GRID2: variants seen among roughly 807,000 people sequenced by gnomAD.
GRID2 encodes the protein glutamate receptor ionotropic, delta-2.
In GRID2, 33 loss-of-function variants were observed where a neutral mutation model predicts 114.8. The ratio of observed to expected loss-of-function variants is 0.29; its 90% CI spans 0.22 to 0.38. The LOEUF (loss-of-function observed/expected upper bound fraction) is 0.38. GRID2 is among the 10% of genes least tolerant of loss of function. GRID2 has a pLI of 1.00. For synonymous variants in GRID2, 505 were observed against 449.9 expected, an observed-to-expected ratio of 1.12 and a Z score of -1.55; for missense variants, 1,184 against 1,257.7, an observed-to-expected ratio of 0.94 and a Z score of 0.89.
chr4:92,526,412 C>T (rs771662986), intron 1 of GRID2, among the ~76,000 whole-genome samples: 1 of 152,148 alleles, frequency 6.6e-6, no homozygotes, highest in Non-Finnish European at 1.5e-5. Flanking sequence ...GGAGCGATCT[C>T]GGCTCACTGC....
chr4:92,517,712 A>T (rs1724564547), intron 1 of GRID2, among the ~76,000 whole-genome samples: 1 of 151,900 alleles, frequency 6.6e-6, no homozygotes, highest in African/African-American at 2.4e-5. Context: ...AAAATAGTCA[A>T]TTTTTAAAAA....
chr4:93,410,966 T>A (rs962398580), intron 9 of GRID2, among the ~76,000 whole-genome samples: 1 of 152,224 alleles, frequency 6.6e-6, no homozygotes, highest in South Asian at 2.1e-4. Flanking sequence ...TTGAATGACT[T>A]CATTTACTTT....
At chr4:92,592,450 T>G (rs1383531790) in intron 2 of GRID2, among the ~76,000 whole-genome samples, 1 of 152,074 alleles carries the variant, frequency 6.6e-6, no homozygotes, top group Non-Finnish European at 1.5e-5. Flanking sequence ...TGAAAAGTAA[T>G]GACAGTTTTT....
chr4:93,304,477 T>C (rs1755209295), intron 8 of GRID2, among the ~76,000 whole-genome samples: 2 of 151,872 alleles, frequency 1.3e-5, no homozygotes, highest in African/African-American at 4.8e-5. Flanking sequence ...AAAATTGAGA[T>C]TGGTCACACT....
chr4:92,584,113 T>C (rs1728311244), intron 1 of GRID2, among the ~76,000 whole-genome samples: 1 of 151,966 alleles, frequency 6.6e-6, no homozygotes, highest in South Asian at 2.1e-4. Context: ...TTTCTCTTAC[T>C]ACCTAGTAGT....
At chr4:93,795,393 C>A (rs1260618191) in intron 1 of GRID2, among the ~76,000 whole-genome samples, 2 of 151,930 alleles carry the variant, frequency 1.3e-5, no homozygotes, top group Non-Finnish European at 2.9e-5. Context: ...TATACCTTTA[C>A]TTAATTTCCA....
chr4:92,946,728 C>T (rs1196118835), intron 2 of GRID2, among the ~76,000 whole-genome samples: 1 of 152,052 alleles, frequency 6.6e-6, no homozygotes, highest in Non-Finnish European at 1.5e-5. Context: ...CTTTCTGTAC[C>T]TTACAGTTAT....
At chr4:92,314,069 C>G (rs1004194638) in intron 1 of GRID2, among the ~76,000 whole-genome samples, 1 of 151,866 alleles carries the variant, frequency 6.6e-6, no homozygotes, top group Non-Finnish European at 1.5e-5. Flanking sequence ...GGATAGAAAA[C>G]GTTCAAATAG....
At chr4:92,954,860 G>T (rs987949529) in intron 2 of GRID2, among the ~76,000 whole-genome samples, 4 of 141,402 alleles carry the variant, frequency 2.8e-5, no homozygotes, top group African/African-American at 1.1e-4. Context: ...GTGAGAATAT[G>T]CGGTGTTTGG....
intron 4 of GRID2, among the ~76,000 whole-genome samples, chr4:93,158,288 G>T (rs1737363701): frequency 6.6e-6 from 1 of 151,790 alleles, no homozygotes; most frequent in South Asian, 2.1e-4. Flanking sequence ...TACTCTTCAT[G>T]AGAAGTTTTA....
chr4:93,133,989 A>G (rs1220371990), intron 4 of GRID2, among the ~76,000 whole-genome samples: 1 of 152,186 alleles, frequency 6.6e-6, no homozygotes, highest in Non-Finnish European at 1.5e-5. Context: ...TCTCACTTTT[A>G]GGGTGAATAA....
At chr4:92,775,371 A>G (rs899737475) in intron 2 of GRID2, among the ~76,000 whole-genome samples, 1 of 152,188 alleles carries the variant, frequency 6.6e-6, no homozygotes, top group Non-Finnish European at 1.5e-5. Context: ...AAACAAAATT[A>G]TCGATGACAG....
At chr4:92,807,106 G>A (rs1248844994) in intron 2 of GRID2, among the ~76,000 whole-genome samples, 1 of 151,824 alleles carries the variant, frequency 6.6e-6, no homozygotes, top group Non-Finnish European at 1.5e-5. Context: ...CCAAATTTCA[G>A]GTTATATGAT....
chr4:92,790,326 T>C (rs968138200), intron 2 of GRID2, among the ~76,000 whole-genome samples: 9 of 151,868 alleles, frequency 5.9e-5, no homozygotes, highest in Non-Finnish European at 1.2e-4. Context: ...AACCTTTCTT[T>C]CTTTTACAAA....
rs182389270 is a variant in GRID2, at chr4:92,536,635, A to G, written c.89-53496A>G. Among the ~76,000 whole-genome samples, 48 of 152,322 alleles carry G rather than the reference A, an allele frequency of 3.2e-4. No individual in the cohort carries two copies. In the South Asian group the frequency reaches 6.0e-3, roughly 19 times the overall value. Reference sequence around the variant, plus strand: ...GTTATTTCTTCAAACCTGAATACATATGTGAATATGGAAATATCTTCAAAA... The same window carrying G: ...GTTATTTCTTCAAACCTGAATACATGTGTGAATATGGAAATATCTTCAAAA... On this transcript the variant is annotated intron_variant, in intron 1 of 15. Coordinates refer to ENST00000282020, the MANE Select transcript of GRID2 (RefSeq NM_001510.4).
intron 1 of GRID2, among the ~76,000 whole-genome samples, chr4:92,493,173 G>A (rs1395212251): frequency 2.0e-5 from 3 of 150,632 alleles, no homozygotes; most frequent in Non-Finnish European, 3.0e-5. Flanking sequence ...AAGTTTTAAG[G>A]ATTAATGTTA....
intron 2 of GRID2, among the ~76,000 whole-genome samples, chr4:92,676,549 T>C (rs1560526707): frequency 6.6e-6 from 1 of 152,084 alleles, no homozygotes; most frequent in Non-Finnish European, 1.5e-5. Flanking sequence ...TTTGTTTCTT[T>C]GTATGTCCTT....
chr4:93,294,260 G>A (rs1754052378), intron 8 of GRID2, among the ~76,000 whole-genome samples: 1 of 152,144 alleles, frequency 6.6e-6, no homozygotes, highest in Non-Finnish European at 1.5e-5. Context: ...GAAAAAGAGT[G>A]GCAGGAGTTG....
At chr4:92,543,994 A>G (rs1275838351) in intron 1 of GRID2, among the ~76,000 whole-genome samples, 2 of 152,180 alleles carry the variant, frequency 1.3e-5, no homozygotes, top group East Asian at 1.9e-4. Context: ...TTGACAAAGA[A>G]CATGGTTGGA....
Sources: allele counts gnomAD v4.1 joint callset (sites outside exome capture counted in the v4.1 genomes callset), GRCh38; gene constraint gnomAD v4.1.1; transcripts MANE v1.5; gene names NCBI Gene and HGNC (gene_info 2026-07-23, HGNC 2026-07-21).